PA2G4: variants seen among roughly 807,000 people sequenced by gnomAD.
The protein encoded by PA2G4 is proliferation-associated protein 2G4.
In PA2G4, 8 loss-of-function variants were observed where a neutral mutation model predicts 53.3. That is an observed-to-expected ratio of 0.15 (90% CI 0.09 to 0.27). The LOEUF is 0.27. Ranked by LOEUF, PA2G4 falls within the 10% of genes least tolerant of loss-of-function variation. The pLI, the probability that PA2G4 is intolerant of heterozygous loss-of-function variation, is 1.00. For missense variants in PA2G4, 208 were observed against 486.8 expected, an observed-to-expected ratio of 0.43 and a Z score of 5.39; for synonymous variants, 143 against 169.8, an observed-to-expected ratio of 0.84 and a Z score of 1.23.
Position 56,109,952 on chromosome 12 carries a change from C to T in PA2G4, c.629+17C>T. On this transcript the variant is annotated intron_variant, in intron 7 of 12. Coordinates refer to ENST00000303305, the MANE Select transcript of PA2G4 (RefSeq NM_006191.3). ...CCAGCAGAAGTAGGTGCCAACCCTACTTATTACCTTCTACCACACAAGACT... is the reference window on the plus strand; with the variant it reads ...CCAGCAGAAGTAGGTGCCAACCCTATTTATTACCTTCTACCACACAAGACT... 1 of 1,573,202 alleles carries T rather than the reference C, an allele frequency of 6.4e-7. No homozygotes were observed.
chr12:56,109,808 C>G (rs753458265), intron 6 of PA2G4, 49 bp from the exon 7 acceptor site: 3 of 1,411,958 alleles, frequency 2.1e-6, no homozygotes, highest in Non-Finnish European at 2.0e-6. Flanking sequence ...ATTTGGAAAC[C>G]TTTTGGGATA....
intron 7 of PA2G4, 21 bp from the exon 8 acceptor site, chr12:56,110,378 C>T: frequency 6.8e-7 from 1 of 1,479,766 alleles, no homozygotes; most frequent in Non-Finnish European, 9.4e-7. Flanking sequence ...AAAAAAATTC[C>T]TTTCTCTCTA....
Position 56,107,081 on chromosome 12 carries a change from T to G in PA2G4, c.309T>G (p.Gly103=). ...KSDQDYILKE[G]DLVKIDLGVH... The stretch of plus-strand genomic sequence containing the variant: ...ACCAGGATTATATTCTCAAGGAAGG[T>G]GACTTGGTAAAAATGTAAGGTTAAA... Residue 103 remains glycine, a synonymous_variant, in exon 3 of 13, where the codon GGT becomes GGG. Coordinates refer to ENST00000303305, the MANE Select transcript of PA2G4 (RefSeq NM_006191.3). 1 of 1,613,228 alleles carries G rather than the reference T, an allele frequency of 6.2e-7. No individual in the cohort carries two copies. Among genetic ancestry groups the G allele is most frequent in the Non-Finnish European group, 8.5e-7 (1 of 1,179,136 alleles).
rs749290957 is a variant in PA2G4, at chr12:56,113,352, T to C, written c.*464T>C. 1 of 162,754 alleles carries C rather than the reference T, an allele frequency of 6.1e-6. No individual in the cohort carries two copies. The highest frequency in any genetic ancestry group is 1.8e-4 in the East Asian group (1 of 5,602). 10.1% of individuals were successfully genotyped at this position (162,754 alleles called of 1,614,324 possible). ...TTTTTTCCATTCTCCCCAAATATTT[T>C]ATCTGGCTTCAAAATTAAGAGGATT... On this transcript the variant is annotated 3_prime_UTR_variant, in exon 13 of 13. Transcript: ENST00000303305.
rs576860244 is a variant in PA2G4, at chr12:56,113,355, C to A, written c.*467C>A. On this transcript the variant is annotated 3_prime_UTR_variant, in exon 13 of 13. Coordinates refer to ENST00000303305, the MANE Select transcript of PA2G4 (RefSeq NM_006191.3). ...TTTCCATTCTCCCCAAATATTTTAT[C>A]TGGCTTCAAAATTAAGAGGATTATT... The A allele has an allele frequency of 1.2e-5, 2 of 162,848 alleles. No homozygotes were observed. The highest frequency in any genetic ancestry group is 3.8e-4 in the South Asian group (2 of 5,314). 10.1% of individuals were successfully genotyped at this position (162,848 alleles called of 1,614,324 possible). A position where few individuals can be genotyped will look rare whatever the true frequency, so the allele number is the denominator to read the frequency against.
At chr12:56,106,402 G>C in intron 1 of PA2G4, 186 bp from the exon 2 acceptor site, 1 of 512,586 alleles carries the variant, frequency 2.0e-6, no homozygotes, top group Admixed American at 3.9e-5. Flanking sequence ...TGCCTAGGGA[G>C]ATGGATTGTA....
At chr12:56,105,754 C>CT (rs750260451) in intron 1 of PA2G4, among the ~76,000 whole-genome samples, 9 of 152,222 alleles carry the variant, frequency 5.9e-5, no homozygotes, top group Admixed American at 4.6e-4. Flanking sequence ...TCTTTTCTCT[C>CT]TTTCCAGTTA....
intron 12 of PA2G4, among the ~76,000 whole-genome samples, chr12:56,112,062 C>T (rs779987556): frequency 5.9e-5 from 9 of 152,118 alleles, no homozygotes; most frequent in Admixed American, 2.6e-4. Flanking sequence ...TGCAGTGGGC[C>T]GAGATCGCAC....
At chr12:56,110,060 A>C in intron 7 of PA2G4, 125 bp downstream of exon 7, 2 of 748,988 alleles carry the variant, frequency 2.7e-6, no homozygotes, top group Non-Finnish European at 2.4e-6. Context: ...TGTTGCTCTT[A>C]ATATTCCCTT....
At chr12:56,110,065 T>A (rs770150495) in intron 7 of PA2G4, 130 bp downstream of exon 7, 18 of 731,958 alleles carry the variant, frequency 2.5e-5, no homozygotes, top group Non-Finnish European at 4.1e-5. Flanking sequence ...CTCTTAATAT[T>A]CCCTTTCTCT....
Position 56,112,955 on chromosome 12 carries a change from T to A in PA2G4, c.*67T>A. ...CCTTCCCACCAAACCCCAGACTCTG[T>A]GAAGTGCAGTTCTTCTCCACCTAGG... On this transcript the variant is annotated 3_prime_UTR_variant, in exon 13 of 13. Transcript: ENST00000303305. 9.3e-7 allele frequency: 1 copy of A among 1,071,456 alleles called. No homozygotes were observed. Among genetic ancestry groups the A allele is most frequent in the Non-Finnish European group, 1.3e-6 (1 of 746,842 alleles). 66.4% of individuals were successfully genotyped at this position (1,071,456 alleles called of 1,614,324 possible).
rs549558976 is a variant in PA2G4, at chr12:56,111,437, C to T, written c.1066-39C>T. Reference sequence around the variant, plus strand: ...AACCCTTTATTTTTAATTTCCTCCACATTTCTCAAAATTTTTTTCCCTTCT... The same window carrying T: ...AACCCTTTATTTTTAATTTCCTCCATATTTCTCAAAATTTTTTTCCCTTCT... On this transcript the variant is annotated intron_variant, in intron 11 of 12. Coordinates refer to ENST00000303305, the MANE Select transcript of PA2G4 (RefSeq NM_006191.3). 5.6e-6 allele frequency: 9 copies of T among 1,610,358 alleles called. No individual in the cohort carries two copies. In the South Asian group the frequency reaches 8.8e-5, roughly 16 times the overall value.
At position 56,113,405 on chromosome 12, in the gene PA2G4, G is replaced by A. The variant is rs540813141; in HGVS notation, c.*517G>A. On this transcript the variant is annotated 3_prime_UTR_variant, in exon 13 of 13. Coordinates refer to ENST00000303305, the MANE Select transcript of PA2G4 (RefSeq NM_006191.3). ...TTTTCAGATTGTTTTTATTCAGTGT[G>A]GCCGATTCCTCATCTGATTCAGGCT... The A allele has an allele frequency of 9.5e-4, 165 of 174,072 alleles. No homozygotes were observed. The highest frequency in any genetic ancestry group is 3.7e-3 in the African/African-American group (155 of 42,282). The allele number at this position is 174,072 out of a possible 1,614,324, so 10.8% of individuals were successfully genotyped here.
rs1244461419 is a variant in PA2G4 at position 56,104,976 on chromosome 12, T to C, written c.88+151T>C. Reference sequence around the variant, plus strand: ...GGCACGGCGTGGTGGGAAGACCCGGTGTCGCGCCTGGGACCTGAGCGGGCA... The same window carrying C: ...GGCACGGCGTGGTGGGAAGACCCGGCGTCGCGCCTGGGACCTGAGCGGGCA... On this transcript the variant is annotated intron_variant, in intron 1 of 12. Transcript: ENST00000303305. The C allele has an allele frequency of 3.5e-5, 27 of 779,520 alleles. No homozygotes were observed. In the East Asian group the frequency reaches 6.7e-4, roughly 19 times the overall value. The allele number at this position is 779,520 out of a possible 1,614,324, so 48.3% of individuals were successfully genotyped here. A position where few individuals can be genotyped will look rare whatever the true frequency, so the allele number is the denominator to read the frequency against.
chr12:56,106,472 G>C, intron 1 of PA2G4, 116 bp from the exon 2 acceptor site: 1 of 1,180,372 alleles, frequency 8.5e-7, no homozygotes, highest in South Asian at 2.0e-5. Context: ...TCAGCCTCAG[G>C]GCAATGGCAC....
At chr12:56,105,226 T>C in intron 1 of PA2G4, 1 of 427,568 alleles carries the variant, frequency 2.3e-6, no homozygotes, top group Admixed American at 2.7e-5. Context: ...CCTCTGTTTT[T>C]GTAGCGTCTC....
intron 9 of PA2G4, 86 bp downstream of exon 9, chr12:56,110,778 AC>A: frequency 6.5e-7 from 1 of 1,536,912 alleles, no homozygotes; most frequent in Non-Finnish European, 9.0e-7. Flanking sequence ...TCCTGCCTAG[AC>A]TTGTAGCGTG....
In PA2G4 at chr12:56,104,620, T is replaced by C. The variant is rs759313815; in HGVS notation, c.-118T>C. The stretch of plus-strand genomic sequence containing the variant: ...TGCCCGCTCCCTTGCTTGCTCGCGC[T>C]TTCGCTCGCCCTCTCCTCGAGGATC... On this transcript the variant is annotated 5_prime_UTR_variant, in exon 1 of 13. Coordinates refer to ENST00000303305, the MANE Select transcript of PA2G4 (RefSeq NM_006191.3). 6.8e-6 allele frequency: 7 copies of C among 1,029,090 alleles called. No individual in the cohort carries two copies. The highest frequency in any genetic ancestry group is 9.3e-6 in the Non-Finnish European group (6 of 645,876). 63.7% of individuals were successfully genotyped at this position (1,029,090 alleles called of 1,614,324 possible). A position where few individuals can be genotyped will look rare whatever the true frequency, so the allele number is the denominator to read the frequency against.
intron 12 of PA2G4, among the ~76,000 whole-genome samples, chr12:56,112,063 G>A (rs958426484): frequency 1.5e-4 from 23 of 152,228 alleles, no homozygotes; most frequent in East Asian, 1.4e-3. Flanking sequence ...GCAGTGGGCC[G>A]AGATCGCACC....
Sources: gnomAD v4.1 joint callset for allele counts (sites outside exome capture counted in the v4.1 genomes callset) on GRCh38, gnomAD v4.1.1 for gene constraint, MANE v1.5 for transcripts, NCBI Gene and HGNC (gene_info 2026-07-23, HGNC 2026-07-21) for gene names.